SLC39A11: variants seen among roughly 807,000 people sequenced by gnomAD.
SLC39A11 encodes solute carrier family 39 member 11.
A neutral mutation model predicts 36.1 loss-of-function variants in SLC39A11; 33 were observed. The observed-to-expected ratio is 0.91, with a 90% CI of 0.69 to 1.22. The LOEUF (loss-of-function observed/expected upper bound fraction) is 1.22, where lower values mean the gene tolerates loss of function less well. Among genes scored for constraint, SLC39A11 ranks in the 50% most tolerant of loss-of-function variants. The pLI is 0.00. For synonymous variants in SLC39A11, 166 were observed against 170.3 expected (o/e 0.97, Z 0.20); for missense variants, 432 against 430.3 (o/e 1.00, Z -0.03).
intron 6 of SLC39A11, among the ~76,000 whole-genome samples, chr17:72,740,056 CTTTTTTTTTTTTT>C (rs386386565): frequency 1.2e-5 from 1 of 81,462 alleles, no homozygotes; most frequent in African/African-American, 5.2e-5. Flanking sequence ...CTTTCCTTTT[CTTTTTTTTTTTTT>C]TTTTTTTTTT....
At chr17:72,864,440 G>A (rs1204338131) in intron 5 of SLC39A11, among the ~76,000 whole-genome samples, 1 of 151,974 alleles carries the variant, frequency 6.6e-6, no homozygotes, top group African/African-American at 2.4e-5. Flanking sequence ...GACAGGCTGA[G>A]CCCAGCTAAA....
At chr17:72,741,204 G>A (rs531870831) in intron 6 of SLC39A11, among the ~76,000 whole-genome samples, 34 of 151,904 alleles carry the variant, frequency 2.2e-4, no homozygotes, top group Admixed American at 1.5e-3. Context: ...TTAATATATC[G>A]TTTACAAAAT....
At chr17:72,841,787 C>T (rs1187157416) in intron 6 of SLC39A11, among the ~76,000 whole-genome samples, 2 of 151,966 alleles carry the variant, frequency 1.3e-5, no homozygotes, top group Non-Finnish European at 2.9e-5. Context: ...GCAGGCCAGG[C>T]GAGGTGGCTC....
intron 7 of SLC39A11, among the ~76,000 whole-genome samples, chr17:72,696,697 C>T (rs911844230): frequency 6.6e-6 from 1 of 152,210 alleles, no homozygotes; most frequent in African/African-American, 2.4e-5. Flanking sequence ...AATGTATCCA[C>T]ACAGACCTAC....
chr17:72,814,795 T>C (rs1431880530), intron 6 of SLC39A11, among the ~76,000 whole-genome samples: 3 of 152,218 alleles, frequency 2.0e-5, no homozygotes, highest in Non-Finnish European at 4.4e-5. Context: ...CCTGTGTATA[T>C]TTCCATGAAG....
chr17:72,718,620 G>A (rs1598435697), intron 7 of SLC39A11, among the ~76,000 whole-genome samples: 1 of 152,196 alleles, frequency 6.6e-6, no homozygotes, highest in Admixed American at 6.5e-5. Context: ...TGATAATTAA[G>A]AGCACAGGCT....
chr17:72,687,018 T>A (rs898910037), intron 7 of SLC39A11, among the ~76,000 whole-genome samples: 11 of 152,290 alleles, frequency 7.2e-5, no homozygotes, highest in African/African-American at 2.2e-4. Flanking sequence ...TCCTTTTTTT[T>A]AAGTGTTTTA....
intron 7 of SLC39A11, among the ~76,000 whole-genome samples, chr17:72,721,149 C>A (rs150640387): frequency 6.8e-6 from 1 of 147,422 alleles, no homozygotes; most frequent in Non-Finnish European, 1.5e-5. Context: ...CAGGCTGAAG[C>A]GCAGCAGCGC....
At chr17:73,044,890 A>G (rs1455203963) in intron 3 of SLC39A11, among the ~76,000 whole-genome samples, 7 of 150,150 alleles carry the variant, frequency 4.7e-5, no homozygotes, top group African/African-American at 1.8e-4. Flanking sequence ...AAAAAAAAAA[A>G]AAAAAAGAAA....
In SLC39A11 at chr17:72,769,649, A is replaced by G. The variant is rs1029006023; in HGVS notation, c.602-32930T>C. 2.8e-4 allele frequency among the ~76,000 whole-genome samples: 43 copies of G among 151,448 alleles called. 1 individual carries two copies. The highest frequency in any genetic ancestry group is 3.4e-3 in the Middle Eastern group (1 of 292). On this transcript the variant is annotated intron_variant, in intron 6 of 9. Coordinates refer to ENST00000255559, the MANE Select transcript of SLC39A11 (RefSeq NM_139177.4). ...AACCTCCCCCTCCTGGGTTCAAGTG[A>G]TTCTCCTGTCTCAGCCTCCCGATTA...
intron 7 of SLC39A11, among the ~76,000 whole-genome samples, chr17:72,716,676 A>G (rs1336095280): frequency 6.6e-6 from 1 of 152,138 alleles, no homozygotes; most frequent in East Asian, 1.9e-4. Context: ...TGGATGAAAA[A>G]GTGGCCTCAG....
At chr17:72,925,500 G>A (rs2083994046) in intron 5 of SLC39A11, among the ~76,000 whole-genome samples, 2 of 152,124 alleles carry the variant, frequency 1.3e-5, no homozygotes, top group Non-Finnish European at 1.5e-5. Context: ...AAGATCTGCT[G>A]ATCAAGTCCC....
At chr17:72,740,919 C>G (rs1598523256) in intron 6 of SLC39A11, among the ~76,000 whole-genome samples, 2 of 152,122 alleles carry the variant, frequency 1.3e-5, no homozygotes, top group East Asian at 3.9e-4. Flanking sequence ...GGATTACAGG[C>G]GTGCACCACC....
intron 7 of SLC39A11, among the ~76,000 whole-genome samples, chr17:72,727,916 T>G (rs2073999527): frequency 6.6e-6 from 1 of 152,154 alleles, no homozygotes; most frequent in Non-Finnish European, 1.5e-5. Context: ...GCCTGTCTTC[T>G]TCCCAGGTCA....
intron 5 of SLC39A11, among the ~76,000 whole-genome samples, chr17:72,924,162 A>ATTT (rs34723416): frequency 0.35 from 42,326 of 119,910 alleles, 7,936 homozygotes; most frequent in East Asian, 0.43. Flanking sequence ...AAAAAAAAAA[A>ATTT]TTTTTTTTTT....
chr17:72,901,811 GTGGCTCACC>G (rs1371272250), intron 5 of SLC39A11, among the ~76,000 whole-genome samples: 2 of 152,186 alleles, frequency 1.3e-5, no homozygotes, highest in Non-Finnish European at 2.9e-5. Context: ...ACAGATGCTG[GTGGCTCACC>G]CAACCTATGT....
intron 7 of SLC39A11, among the ~76,000 whole-genome samples, chr17:72,681,089 C>T (rs1158602515): frequency 6.6e-6 from 1 of 152,124 alleles, no homozygotes; most frequent in Non-Finnish European, 1.5e-5. Context: ...ATTACAGGCA[C>T]ACAACACCAT....
At chr17:72,806,243 T>C (rs987200611) in intron 6 of SLC39A11, among the ~76,000 whole-genome samples, 2 of 152,200 alleles carry the variant, frequency 1.3e-5, no homozygotes, top group Non-Finnish European at 2.9e-5. Flanking sequence ...CTTCAACTGC[T>C]TCCTAAGGAA....
intron 6 of SLC39A11, among the ~76,000 whole-genome samples, chr17:72,795,660 A>G (rs2145145958): frequency 6.6e-6 from 1 of 152,256 alleles, no homozygotes; most frequent in South Asian, 2.1e-4. Context: ...TTCTGGACAT[A>G]TTATTAAAAC....
Sources: allele counts gnomAD v4.1 joint callset (sites outside exome capture counted in the v4.1 genomes callset), GRCh38; gene constraint gnomAD v4.1.1; transcripts MANE v1.5; gene names NCBI Gene and HGNC (gene_info 2026-07-23, HGNC 2026-07-21).